MFAP3L: variants seen among roughly 807,000 people sequenced by gnomAD.
MFAP3L encodes the protein microfibrillar-associated protein 3-like.
A neutral mutation model predicts 20.0 loss-of-function variants in MFAP3L; 5 were observed. The ratio of observed to expected loss-of-function variants is 0.25; its 90% CI spans 0.13 to 0.53. MFAP3L has a LOEUF of 0.53. Ranked by LOEUF, MFAP3L falls within the 20% of genes least tolerant of loss-of-function variation. The pLI, the probability that MFAP3L is intolerant of heterozygous loss-of-function variation, is 0.96. For missense variants in MFAP3L, 409 were observed against 527.5 expected (o/e 0.78, Z 2.20); for synonymous variants, 219 against 213.0 (o/e 1.03, Z -0.25).
intron 1 of MFAP3L, among the ~76,000 whole-genome samples, chr4:170,018,147 C>A (rs924851909): frequency 6.6e-6 from 1 of 152,080 alleles, no homozygotes; most frequent in Non-Finnish European, 1.5e-5. Flanking sequence ...TCAGAGGAGG[C>A]CAAGCTGGGA....
At chr4:170,014,535 C>T (rs1739578286) in intron 1 of MFAP3L, among the ~76,000 whole-genome samples, 1 of 152,202 alleles carries the variant, frequency 6.6e-6, no homozygotes, top group African/African-American at 2.4e-5. Context: ...GCCCACAAGT[C>T]CAGGCTGTGC....
At chr4:170,025,765 G>C (rs889145361) in intron 1 of MFAP3L, among the ~76,000 whole-genome samples, 7 of 152,094 alleles carry the variant, frequency 4.6e-5, no homozygotes, top group Non-Finnish European at 8.8e-5. Flanking sequence ...ATCAGGACAC[G>C]GCGCCCTCCC....
At chr4:170,026,151 GCGCCGACTCGGC>G in intron 1 of MFAP3L, 71 bp downstream of exon 1, 2 of 833,302 alleles carry the variant, frequency 2.4e-6, no homozygotes, top group Non-Finnish European at 2.9e-6. Flanking sequence ...GGCGGCCCCG[GCGCCGACTCGGC>G]CGCCGACCCG....
At chr4:170,024,623 T>C (rs923120706) in intron 1 of MFAP3L, among the ~76,000 whole-genome samples, 54 of 152,254 alleles carry the variant, frequency 3.5e-4, no homozygotes, top group African/African-American at 1.3e-3. Context: ...TGAGTGAACA[T>C]CACCAACCAG....
chr4:170,020,512 C>T (rs1461692045), intron 1 of MFAP3L, among the ~76,000 whole-genome samples: 1 of 152,128 alleles, frequency 6.6e-6, no homozygotes, highest in African/African-American at 2.4e-5. Flanking sequence ...TATTCCATGT[C>T]TTCGTTGTGT....
At chr4:170,003,556 G>A (rs888835357) in intron 2 of MFAP3L, 18 of 423,484 alleles carry the variant, frequency 4.3e-5, no homozygotes, top group East Asian at 1.6e-4. Context: ...GATAATCCTC[G>A]AAATGTTGGA....
Position 169,987,087 on chromosome 4 carries a change from C to T in MFAP3L, c.*4291G>A, listed in dbSNP as rs1021954824. On this transcript the variant is annotated 3_prime_UTR_variant, in exon 3 of 3. Coordinates refer to ENST00000361618, the MANE Select transcript of MFAP3L (RefSeq NM_021647.8). ...CATTATCATCCTCATATGATATCTT[C>T]GTGAATAAAAGATAAATGCTCAGTC... 3.3e-5 allele frequency: 5 copies of T among 152,098 alleles called. No homozygotes were observed. Among genetic ancestry groups the T allele is most frequent in the South Asian group, 2.1e-4 (1 of 4,828 alleles). 9.4% of individuals were successfully genotyped at this position (152,098 alleles called of 1,614,324 possible).
At position 169,988,421 on chromosome 4, in the gene MFAP3L, A is replaced by C. The variant is rs1172817961; in HGVS notation, c.*2957T>G. ...AAACATTGCTAGAGATATGACCAGG[A>C]TGACTCAGAAGCCAGAAATTGATTT... On this transcript the variant is annotated 3_prime_UTR_variant, in exon 3 of 3. Transcript: ENST00000361618. The C allele has an allele frequency of 6.6e-6, 1 of 152,224 alleles. No homozygotes were observed. Among genetic ancestry groups the C allele is most frequent in the Non-Finnish European group, 1.5e-5 (1 of 68,032 alleles). The allele number at this position is 152,224 out of a possible 1,614,324, so 9.4% of individuals were successfully genotyped here.
rs761733618 is a variant in MFAP3L at position 169,992,432 on chromosome 4, G to A, written c.299-123C>T. On this transcript the variant is annotated intron_variant, in intron 2 of 2. Coordinates refer to ENST00000361618, the MANE Select transcript of MFAP3L (RefSeq NM_021647.8). The surrounding 1 kb of genome is among the most constrained non-coding windows in gnomAD (Gnocchi z 4.3). ...AACATCTATGAAGTCTATGAACGTC[G>A]ACTTCACATGCTTACTATGCGGCAG... is the stretch of plus-strand genomic sequence containing the variant. 5 of 824,024 alleles carry A rather than the reference G, an allele frequency of 6.1e-6. No homozygotes were observed. The highest frequency in any genetic ancestry group is 1.7e-5 in the South Asian group (1 of 57,208). The allele number at this position is 824,024 out of a possible 1,614,324, so 51.0% of individuals were successfully genotyped here. A position where few individuals can be genotyped will look rare whatever the true frequency, so the allele number is the denominator to read the frequency against.
chr4:170,017,581 C>T (rs7688417), intron 1 of MFAP3L, among the ~76,000 whole-genome samples: 67,689 of 152,030 alleles, frequency 0.45, 15,323 homozygotes, highest in East Asian at 0.71. Flanking sequence ...TACCTGCACA[C>T]GGTGGTCACT....
chr4:169,991,189 C>T lies in MFAP3L; in HGVS notation c.*189G>A. 8.0e-6 allele frequency: 5 copies of T among 622,718 alleles called. No individual in the cohort carries two copies. In the South Asian group the frequency reaches 1.0e-4, roughly 13 times the overall value. 38.6% of individuals were successfully genotyped at this position (622,718 alleles called of 1,614,324 possible). ...CAATTCTGCACCCTGATGTTTCTCG[C>T]ACCCTTCTCTACTGGGGAAATTCCA... On this transcript the variant is annotated 3_prime_UTR_variant, in exon 3 of 3. Coordinates refer to ENST00000361618, the MANE Select transcript of MFAP3L (RefSeq NM_021647.8). The surrounding 1 kb of genome is among the most constrained non-coding windows in gnomAD (Gnocchi z 4.9).
At chr4:170,010,621 A>C (rs1016186894) in intron 1 of MFAP3L, among the ~76,000 whole-genome samples, 1 of 152,146 alleles carries the variant, frequency 6.6e-6, no homozygotes, top group Admixed American at 6.5e-5. Flanking sequence ...CCTTCTTAAG[A>C]TTTTCTTAAT....
chr4:170,009,153 C>G (rs6822033), intron 1 of MFAP3L, among the ~76,000 whole-genome samples: 21,142 of 151,874 alleles, frequency 0.14, 3,816 homozygotes, highest in African/African-American at 0.41. Flanking sequence ...GGGAGGCTGA[C>G]GCAGGCGGAT....
chr4:170,013,509 T>C (rs1414719215), intron 1 of MFAP3L, among the ~76,000 whole-genome samples: 3 of 151,772 alleles, frequency 2.0e-5, no homozygotes, highest in African/African-American at 7.3e-5. Flanking sequence ...TGTATTTTCA[T>C]AAAGGTTTTT....
At chr4:169,998,638 C>T (rs532412756) in intron 2 of MFAP3L, among the ~76,000 whole-genome samples, 51 of 151,964 alleles carry the variant, frequency 3.4e-4, no homozygotes, top group African/African-American at 1.1e-3. Flanking sequence ...TTAAAATTTC[C>T]AATCTTTTTA....
chr4:170,005,939 C>T lies in MFAP3L; in HGVS notation c.-62G>A. On this transcript the variant is annotated 5_prime_UTR_variant, in exon 2 of 3. Coordinates refer to ENST00000361618, the MANE Select transcript of MFAP3L (RefSeq NM_021647.8). ...TTTGCCAACCGAATCTTCTATCAGA[C>T]AACACACTGTTCACAGCAGGTCATG... 1 of 1,556,098 alleles carries T rather than the reference C, an allele frequency of 6.4e-7. No individual in the cohort carries two copies. Among genetic ancestry groups the T allele is most frequent in the Non-Finnish European group, 8.7e-7 (1 of 1,149,634 alleles).
intron 1 of MFAP3L, among the ~76,000 whole-genome samples, chr4:170,008,379 A>G (rs1739175361): frequency 6.6e-6 from 1 of 152,222 alleles, no homozygotes; most frequent in Admixed American, 6.5e-5. Flanking sequence ...ACACTAATGA[A>G]TTAATAGTTT....
chr4:170,003,781 C>T lies in MFAP3L; in HGVS notation c.298+1799G>A. On this transcript the variant is annotated intron_variant, in intron 2 of 2. Coordinates refer to ENST00000361618, the MANE Select transcript of MFAP3L (RefSeq NM_021647.8). ...TAGCTCAGCCCTGCAGAAAGACCTG[C>T]TAAGGTACCTGGCCTGCAGTGTCTT... 6.1e-6 allele frequency: 6 copies of T among 985,446 alleles called. No homozygotes were observed. The South Asian group carries it at 1.4e-4, about 23-fold the overall frequency. The allele number at this position is 985,446 out of a possible 1,614,324, so 61.0% of individuals were successfully genotyped here.
upstream of MFAP3L, chr4:170,026,421 A>C: frequency 1.3e-5 from 5 of 386,132 alleles, no homozygotes; most frequent in Non-Finnish European, 1.8e-5. Flanking sequence ...CTTCCCACCT[A>C]CAGGAGCCTG....
Sources: allele counts gnomAD v4.1 joint callset (sites outside exome capture counted in the v4.1 genomes callset), GRCh38; gene constraint gnomAD v4.1.1; non-coding constraint Gnocchi (gnomAD v3.1); transcripts MANE v1.5; gene names NCBI Gene and HGNC (gene_info 2026-07-23, HGNC 2026-07-21).